MYO7B: variants seen among roughly 807,000 people sequenced by gnomAD.
MYO7B encodes myosin VIIB, also known as unconventional myosin-VIIb.
A neutral mutation model predicts 259.7 loss-of-function variants in MYO7B; 212 were observed. The observed-to-expected ratio is 0.82, with a 90% confidence interval of 0.73 to 0.91. The LOEUF (loss-of-function observed/expected upper bound fraction) is 0.91, where lower values mean the gene tolerates loss of function less well. Among genes scored for constraint, MYO7B ranks in the 40% least tolerant of loss-of-function variants. MYO7B has a pLI of 0.00. For synonymous variants in MYO7B, 1,197 were observed against 1,166.4 expected, an observed-to-expected ratio of 1.03 and a Z score of -0.54; for missense variants, 2,732 against 2,813.5, an observed-to-expected ratio of 0.97 and a Z score of 0.66.
At chr2:127,631,417 C>G in intron 37 of MYO7B, 54 bp downstream of exon 37, 1 of 1,574,326 alleles carries the variant, frequency 6.4e-7, no homozygotes, top group Non-Finnish European at 8.7e-7. Flanking sequence ...GCAGAGGCAC[C>G]CAGCACATCC....
chr2:127,562,877 G>A (rs565482277), intron 2 of MYO7B, among the ~76,000 whole-genome samples: 1 of 152,274 alleles, frequency 6.6e-6, no homozygotes, highest in African/African-American at 2.4e-5. Flanking sequence ...CCAAAGTGCT[G>A]GGATTACAGG....
At chr2:127,635,984 TG>T in intron 44 of MYO7B, 77 bp downstream of exon 44, 2 of 1,490,676 alleles carry the variant, frequency 1.3e-6, no homozygotes, top group South Asian at 1.3e-5. Flanking sequence ...ATGCCCTGCC[TG>T]GGCTCCAAGA....
chr2:127,630,400 G>C (rs1445402880), intron 35 of MYO7B, among the ~76,000 whole-genome samples: 2 of 152,232 alleles, frequency 1.3e-5, no homozygotes, highest in African/African-American at 4.8e-5. Context: ...ATCCCCGAGG[G>C]AGGGACATTT....
In MYO7B at chr2:127,625,513, T is replaced by G; in HGVS notation, c.4193T>G (p.Leu1398Arg). ...AAGCCCCCAGACAGGTGGGCGAGCCTCGTCACTGCCGCCTGCGCCAAGGTC... is the reference window on the plus strand; with the variant it reads ...AAGCCCCCAGACAGGTGGGCGAGCCGCGTCACTGCCGCCTGCGCCAAGGTC... ...RTKPPDRWAS[L>R]VTAACAKAPY... is the part of the protein sequence containing the mutation. Residue 1398 changes from leucine to arginine, a missense_variant, in exon 31 of 48, where the codon CTC becomes CGC. Leu to Arg is a moderately radical substitution (Grantham distance 102, BLOSUM62 -2). Transcript: ENST00000409816. 6.2e-7 allele frequency: 1 copy of G among 1,605,512 alleles called. No homozygotes were observed.
In MYO7B at chr2:127,559,530, C is replaced by T. The variant is rs1017822925; in HGVS notation, c.-23-170C>T. On this transcript the variant is annotated intron_variant, in intron 1 of 47. Transcript: ENST00000409816. The surrounding 1 kb of genome is among the most constrained non-coding windows in gnomAD (Gnocchi z 4.1). ...GAAGAAGCTGAGAACAGCTCTTGCA[C>T]TTGGGCTAGGACTGTGACTCATTCA... Among the ~76,000 whole-genome samples the T allele has an allele frequency of 1.1e-4, 17 of 152,196 alleles. No individual in the cohort carries two copies. The highest frequency in any genetic ancestry group is 3.9e-4 in the African/African-American group (16 of 41,442).
chr2:127,562,484 T>G (rs13398461), intron 2 of MYO7B, among the ~76,000 whole-genome samples: 260 of 23,502 alleles, frequency 0.011, 5 homozygotes, highest in African/African-American at 0.074. Context: ...GTTTTATTGT[T>G]TTTTTTTTTT....
intron 19 of MYO7B, among the ~76,000 whole-genome samples, chr2:127,605,093 G>A (rs1309067952): frequency 6.6e-6 from 1 of 152,170 alleles, no homozygotes. Flanking sequence ...AATAAACTGA[G>A]GCATGCCTGC....
chr2:127,634,181 G>A lies in MYO7B; in HGVS notation c.5517G>A (p.Leu1839=). 1 of 1,601,990 alleles carries A rather than the reference G, an allele frequency of 6.2e-7. No individual in the cohort carries two copies. The highest frequency in any genetic ancestry group is 8.5e-7 in the Non-Finnish European group (1 of 1,174,916). Residue 1839 remains leucine (L), a synonymous_variant, in exon 41 of 48, where the codon CTG becomes CTA. Coordinates refer to ENST00000409816, the MANE Select transcript of MYO7B (RefSeq NM_001393586.1). ...IYFPNDTSEM[L]EVVANTRVRD... Reference sequence around the variant, plus strand: ...CCAGCTGCCTCTCTGTCCAGATGCTGGAGGTGGTTGCCAACACACGGGTGC... The same window carrying A: ...CCAGCTGCCTCTCTGTCCAGATGCTAGAGGTGGTTGCCAACACACGGGTGC...
At chr2:127,573,351 T>C (rs1373641690) in intron 6 of MYO7B, among the ~76,000 whole-genome samples, 1 of 152,226 alleles carries the variant, frequency 6.6e-6, no homozygotes, top group South Asian at 2.1e-4. Flanking sequence ...TAATGCAAAA[T>C]ATCTTTCTTA....
intron 1 of MYO7B, among the ~76,000 whole-genome samples, chr2:127,552,572 C>T (rs1354644589): frequency 1.3e-5 from 2 of 152,168 alleles, no homozygotes; most frequent in Non-Finnish European, 2.9e-5. Context: ...TGGTATGTGA[C>T]AGGCCATGTG....
chr2:127,610,062 G>C (rs747103980), intron 24 of MYO7B, 46 bp downstream of exon 24: 2 of 1,590,774 alleles, frequency 1.3e-6, no homozygotes, highest in East Asian at 4.6e-5. Context: ...CACCTACCAG[G>C]TGCCTACCAG....
chr2:127,566,464 G>A (rs1298188244), intron 4 of MYO7B, among the ~76,000 whole-genome samples, 179 bp from the exon 5 acceptor site: 14 of 152,350 alleles, frequency 9.2e-5, no homozygotes, highest in Admixed American at 8.5e-4. Flanking sequence ...CTTCCCAGAG[G>A]AGAGATCTGC....
At chr2:127,635,385 G>A (rs1681746902) in intron 43 of MYO7B, 159 bp downstream of exon 43, 1 of 686,740 alleles carries the variant, frequency 1.5e-6, no homozygotes, top group Non-Finnish European at 2.5e-6. Context: ...TCTGGAACCA[G>A]GAGCAGAGGG....
At chr2:127,542,948 A>G (rs537799296) in intron 1 of MYO7B, among the ~76,000 whole-genome samples, 2 of 152,370 alleles carry the variant, frequency 1.3e-5, no homozygotes, top group Admixed American at 1.3e-4. Flanking sequence ...TGCTGCTAGC[A>G]TGTCTCACCT....
chr2:127,625,523 C>T lies in MYO7B; in HGVS notation c.4203C>T (p.Ala1401=), dbSNP rs765309464. ...ACAGGTGGGCGAGCCTCGTCACTGCCGCCTGCGCCAAGGTCAGCCTGCATG... is the reference window on the plus strand; with the variant it reads ...ACAGGTGGGCGAGCCTCGTCACTGCTGCCTGCGCCAAGGTCAGCCTGCATG... The part of the protein sequence containing the change: ...PPDRWASLVT[A]ACAKAPYTQK... Residue 1401 remains alanine (A), a synonymous_variant, in exon 31 of 48, where the codon GCC becomes GCT. Coordinates refer to ENST00000409816, the MANE Select transcript of MYO7B (RefSeq NM_001393586.1). The T allele has an allele frequency of 3.7e-6, 6 of 1,601,706 alleles. No individual in the cohort carries two copies. The Admixed American group carries it at 6.9e-5, about 18-fold the overall frequency.
intron 9 of MYO7B, among the ~76,000 whole-genome samples, chr2:127,580,176 A>G (rs1679043779): frequency 6.6e-6 from 1 of 152,198 alleles, no homozygotes; most frequent in Non-Finnish European, 1.5e-5. Context: ...AAAGAAAAAA[A>G]GCAAAAACAA....
At position 127,549,805 on chromosome 2, in the gene MYO7B, G is replaced by A. The variant is rs181099348; in HGVS notation, c.-23-9895G>A. On this transcript the variant is annotated intron_variant, in intron 1 of 47. Transcript: ENST00000409816. Reference sequence around the variant, plus strand: ...TGATCCTGGTGGCCCTGAGAGAGTGGGCACACATAAGGGGAGTGTGCAGGC... The same window carrying A: ...TGATCCTGGTGGCCCTGAGAGAGTGAGCACACATAAGGGGAGTGTGCAGGC... Among the ~76,000 whole-genome samples, 186 of 152,190 alleles carry A rather than the reference G, an allele frequency of 1.2e-3. 1 individual carries two copies. The highest frequency in any genetic ancestry group is 4.2e-3 in the African/African-American group (173 of 41,522).
In MYO7B at chr2:127,571,442, G is replaced by GTTTTTTTTTTTTTTTTTTTTTTTT; in HGVS notation, c.592+1549_592+1550insTTTTTTTTTTTTTTTTTTTTTTTT. On this transcript the variant is annotated intron_variant, in intron 6 of 47. Coordinates refer to ENST00000409816, the MANE Select transcript of MYO7B (RefSeq NM_001393586.1). ...AATTGGTCTATTTCCTTACCAGTGA[G>GTTTTTTTTTTTTTTTTTTTTTTTT]TTTTTTTTTTTTTTTTTGCTTGTTT... Among the ~76,000 whole-genome samples the GTTTTTTTTTTTTTTTTTTTTTTTT allele has an allele frequency of 1.1e-3, 48 of 41,916 alleles. 7 individuals carry two copies. Among genetic ancestry groups the GTTTTTTTTTTTTTTTTTTTTTTTT allele is most frequent in the East Asian group, 3.0e-3 (2 of 664 alleles). 27.5% of individuals were successfully genotyped at this position (41,916 alleles called of 152,430 possible).
intron 1 of MYO7B, among the ~76,000 whole-genome samples, chr2:127,542,112 G>T (rs188268995): frequency 6.6e-6 from 1 of 152,356 alleles, no homozygotes; most frequent in Non-Finnish European, 1.5e-5. Context: ...AGAACATCTC[G>T]CAGGGACATA....
Sources: allele counts gnomAD v4.1 joint callset (sites outside exome capture counted in the v4.1 genomes callset), GRCh38; gene constraint gnomAD v4.1.1; non-coding constraint Gnocchi (gnomAD v3.1); transcripts MANE v1.5; gene names NCBI Gene and HGNC (gene_info 2026-07-23, HGNC 2026-07-21).